GABRB1: variants seen among roughly 807,000 people sequenced by gnomAD.
The protein encoded by GABRB1 is gamma-aminobutyric acid receptor subunit beta-1.
A neutral mutation model predicts 51.6 loss-of-function variants in GABRB1; 17 were observed. The ratio of observed to expected loss-of-function variants is 0.33; its 90% CI spans 0.23 to 0.49. The LOEUF (loss-of-function observed/expected upper bound fraction) is 0.49, where lower values mean the gene tolerates loss of function less well. Ranked by LOEUF, GABRB1 falls within the 20% of genes least tolerant of loss-of-function variation. The pLI, the probability that GABRB1 is intolerant of heterozygous loss-of-function variation, is 0.99. For synonymous variants in GABRB1, 247 were observed against 218.9 expected (o/e 1.13, Z -1.14); for missense variants, 410 against 600.6 (o/e 0.68, Z 3.32).
At chr4:47,147,344 C>T (rs1447707642) in intron 3 of GABRB1, among the ~76,000 whole-genome samples, 3 of 151,964 alleles carry the variant, frequency 2.0e-5, no homozygotes, top group African/African-American at 4.8e-5. Flanking sequence ...TGCCTTCATT[C>T]AGACTAATAG....
At chr4:47,252,507 CTTTT>C (rs34442754) in intron 4 of GABRB1, among the ~76,000 whole-genome samples, 2 of 116,360 alleles carry the variant, frequency 1.7e-5, no homozygotes, top group Non-Finnish European at 1.7e-5. Flanking sequence ...TAGCAATTGC[CTTTT>C]TTTTTTTTTT....
intron 4 of GABRB1, among the ~76,000 whole-genome samples, chr4:47,163,255 G>A (rs911274509): frequency 1.3e-5 from 2 of 151,964 alleles, no homozygotes; most frequent in Non-Finnish European, 2.9e-5. Flanking sequence ...TAATCAATAT[G>A]ACAATACATA....
In GABRB1 at chr4:47,044,944, T is replaced by G. The variant is rs148043294; in HGVS notation, c.240+12460T>G. On this transcript the variant is annotated intron_variant, in intron 3 of 8. Coordinates refer to ENST00000295454, the MANE Select transcript of GABRB1 (RefSeq NM_000812.4). ...GTTACCACTCAAACTTAAACAAAAT[T>G]TCAATTGGTATATGGTCCTTCCATA... is the stretch of plus-strand genomic sequence containing the variant. Among the ~76,000 whole-genome samples, 5 of 152,150 alleles carry G rather than the reference T, an allele frequency of 3.3e-5. No homozygotes were observed. In the East Asian group the frequency reaches 9.7e-4, roughly 29 times the overall value.
intron 4 of GABRB1, among the ~76,000 whole-genome samples, chr4:47,268,348 G>T (rs1437813707): frequency 7.2e-5 from 11 of 152,116 alleles, no homozygotes; most frequent in Admixed American, 7.2e-4. Flanking sequence ...AAAGAAGAAT[G>T]TTTCAAAATA....
chr4:47,247,531 GA>G (rs1462066303), intron 4 of GABRB1, among the ~76,000 whole-genome samples: 1 of 151,966 alleles, frequency 6.6e-6, no homozygotes, highest in Non-Finnish European at 1.5e-5. Flanking sequence ...ATGAGTTTTA[GA>G]ATTGTTTTTT....
intron 5 of GABRB1, among the ~76,000 whole-genome samples, chr4:47,355,259 G>A (rs1235989304): frequency 6.6e-6 from 1 of 152,008 alleles, no homozygotes; most frequent in Non-Finnish European, 1.5e-5. Context: ...GGGATTACTG[G>A]CGTGAGCCAC....
chr4:47,134,691 T>C (rs571878384), intron 3 of GABRB1, among the ~76,000 whole-genome samples: 1 of 152,270 alleles, frequency 6.6e-6, no homozygotes, highest in Non-Finnish European at 1.5e-5. Flanking sequence ...AGTCTTGAAG[T>C]AGAGATAAAG....
intron 3 of GABRB1, among the ~76,000 whole-genome samples, chr4:47,038,415 G>C (rs1577848455): frequency 1.3e-5 from 2 of 152,192 alleles, no homozygotes; most frequent in South Asian, 2.1e-4. Flanking sequence ...TTGAACATTA[G>C]AGCCAAGACT....
chr4:47,320,926 C>T (rs1163659142), intron 5 of GABRB1, among the ~76,000 whole-genome samples: 9 of 152,132 alleles, frequency 5.9e-5, no homozygotes, highest in Admixed American at 2.6e-4. Context: ...CCCGCCACCA[C>T]GCCCAGCTAA....
chr4:47,211,726 G>C (rs982798586), intron 4 of GABRB1, among the ~76,000 whole-genome samples: 7 of 152,188 alleles, frequency 4.6e-5, no homozygotes, highest in African/African-American at 1.4e-4. Flanking sequence ...CTAAAGTCAA[G>C]GTATCCACAG....
intron 3 of GABRB1, among the ~76,000 whole-genome samples, chr4:47,052,305 G>C (rs754155326): frequency 1.3e-5 from 2 of 152,136 alleles, no homozygotes; most frequent in African/African-American, 2.4e-5. Flanking sequence ...GGCTACTGAG[G>C]AAAGAGAGCA....
At chr4:47,381,607 A>G (rs1283287370) in intron 5 of GABRB1, among the ~76,000 whole-genome samples, 1 of 152,164 alleles carries the variant, frequency 6.6e-6, no homozygotes, top group Non-Finnish European at 1.5e-5. Flanking sequence ...AGCCTTCCCT[A>G]CAAGGCTTGC....
At chr4:47,128,684 G>A (rs185278099) in intron 3 of GABRB1, among the ~76,000 whole-genome samples, 105 of 151,938 alleles carry the variant, frequency 6.9e-4, no homozygotes, top group African/African-American at 2.3e-3. Flanking sequence ...TAATATTTCA[G>A]AGTTTTGCCC....
intron 1 of GABRB1, among the ~76,000 whole-genome samples, chr4:47,004,455 A>G (rs149060769): frequency 2.2e-4 from 34 of 152,280 alleles, no homozygotes; most frequent in African/African-American, 7.5e-4. Flanking sequence ...TTATGGGTAC[A>G]TGGTAGGTGT....
chr4:47,096,415 T>C (rs902622853), intron 3 of GABRB1, among the ~76,000 whole-genome samples: 1 of 152,146 alleles, frequency 6.6e-6, no homozygotes, highest in African/African-American at 2.4e-5. Flanking sequence ...AAAAAGAGAA[T>C]GAGGCAAATG....
chr4:47,005,538 A>G (rs1056564709), intron 1 of GABRB1, among the ~76,000 whole-genome samples: 1 of 151,992 alleles, frequency 6.6e-6, no homozygotes, highest in African/African-American at 2.4e-5. Context: ...AGTATCTGAT[A>G]AGGATCCATT....
At chr4:47,036,148 T>C (rs559219608) in intron 3 of GABRB1, among the ~76,000 whole-genome samples, 2 of 152,206 alleles carry the variant, frequency 1.3e-5, no homozygotes, top group Non-Finnish European at 2.9e-5. Context: ...GACATTACAG[T>C]GAACAACGAT....
intron 4 of GABRB1, among the ~76,000 whole-genome samples, chr4:47,280,901 G>T (rs770730119): frequency 6.8e-6 from 1 of 146,256 alleles, no homozygotes; most frequent in African/African-American, 2.6e-5. Context: ...AAATTCTTCT[G>T]CCTTAGCCTC....
At chr4:47,352,348 C>G (rs1278624557) in intron 5 of GABRB1, among the ~76,000 whole-genome samples, 1 of 152,192 alleles carries the variant, frequency 6.6e-6, no homozygotes, top group Non-Finnish European at 1.5e-5. Flanking sequence ...CAAGGAGGAA[C>G]TGGTACCATT....
Sources: allele counts gnomAD v4.1 joint callset (sites outside exome capture counted in the v4.1 genomes callset), GRCh38; gene constraint gnomAD v4.1.1; transcripts MANE v1.5; gene names NCBI Gene and HGNC (gene_info 2026-07-23, HGNC 2026-07-21).